The following MMP13 variants were observed in gnomAD, a reference collection of about 807,000 sequenced individuals.
MMP13 encodes matrix metallopeptidase 13.
Under a neutral mutation model 52.1 loss-of-function variants are expected in MMP13, and 45 were observed. That is an observed-to-expected ratio of 0.86 (90% CI 0.68 to 1.11). The LOEUF (loss-of-function observed/expected upper bound fraction) is 1.11, where lower values mean the gene tolerates loss of function less well. MMP13 is among the 50% of genes least tolerant of loss of function. MMP13 has a pLI of 0.00. For synonymous variants in MMP13, 200 were observed against 204.4 expected, an observed-to-expected ratio of 0.98 and a Z score of 0.18; for missense variants, 576 against 583.8, an observed-to-expected ratio of 0.99 and a Z score of 0.14.
At chr11:102,947,857 G>A in intron 8 of MMP13, 34 bp downstream of exon 8, 1 of 1,613,112 alleles carries the variant, frequency 6.2e-7, no homozygotes, top group Non-Finnish European at 8.5e-7. Context: ...TTGCGGCTAT[G>A]ACACAGATGG....
rs1555017103 is a variant in MMP13, at chr11:102,949,796, T to A, written c.917+314A>T. 2.6e-5 allele frequency among the ~76,000 whole-genome samples: 4 copies of A among 152,226 alleles called. No homozygotes were observed. Among genetic ancestry groups the A allele is most frequent in the Non-Finnish European group, 4.4e-5 (3 of 68,036 alleles). ...GTGGGCCTAACGAGTAACCATTTATTAATACAGCAGTTACTTTCAATGCTT... is the reference window on the plus strand; with the variant it reads ...GTGGGCCTAACGAGTAACCATTTATAAATACAGCAGTTACTTTCAATGCTT... On this transcript the variant is annotated intron_variant, in intron 6 of 9. Transcript: ENST00000260302. This position sits in a 1 kb window ranked among gnomAD's most constrained non-coding sequence, Gnocchi z 4.2.
rs1860551861 is a variant in MMP13 at position 102,948,398 on chromosome 11, C to A, written c.1052-348G>T. ...TAGGAAGAGTAAATTAGACTGAAAA[C>A]TCAAACGTTACACCAGTTTGAAAGT... On this transcript the variant is annotated intron_variant, in intron 7 of 9. Transcript: ENST00000260302. 2.6e-5 allele frequency among the ~76,000 whole-genome samples: 4 copies of A among 152,022 alleles called. 1 individual carries two copies. Among genetic ancestry groups the A allele is most frequent in the Admixed American group, 2.6e-4 (4 of 15,264 alleles).
chr11:102,945,863 A>C, intron 8 of MMP13, 114 bp from the exon 9 acceptor site: 1 of 640,052 alleles, frequency 1.6e-6, no homozygotes, highest in Non-Finnish European at 2.7e-6. Context: ...TAAAATTTTC[A>C]GTCCATTTAA....
At chr11:102,948,267 C>G (rs1291099728) in intron 7 of MMP13, among the ~76,000 whole-genome samples, 1 of 151,876 alleles carries the variant, frequency 6.6e-6, no homozygotes, top group Admixed American at 6.6e-5. Context: ...ATGAATATAG[C>G]TAATCAAATA....
At chr11:102,944,771 C>CT (rs557080076) in intron 9 of MMP13, among the ~76,000 whole-genome samples, 7,237 of 95,544 alleles carry the variant, frequency 0.076, 296 homozygotes, top group African/African-American at 0.11. Context: ...CCACTCCCAG[C>CT]TTTTTTTTTT....
chr11:102,944,096 G>T lies in MMP13; in HGVS notation c.*170C>A, dbSNP rs782354204. The T allele has an allele frequency of 1.3e-5, 8 of 636,954 alleles. No homozygotes were observed. In the African/African-American group the frequency reaches 1.3e-4, roughly 10 times the overall value. 39.5% of individuals were successfully genotyped at this position (636,954 alleles called of 1,614,324 possible). ...CATTACTCTAACATTCTTCAATGTG[G>T]TTCCAGCCACGCATAGTCATATAGA... On this transcript the variant is annotated 3_prime_UTR_variant, in exon 10 of 10. Transcript: ENST00000260302.
chr11:102,951,610 T>C (rs151180143), intron 5 of MMP13, among the ~76,000 whole-genome samples: 2 of 152,144 alleles, frequency 1.3e-5, no homozygotes, highest in Non-Finnish European at 2.9e-5. Flanking sequence ...AGTAGAGTCA[T>C]GTGTTGCTTA....
Position 102,949,550 on chromosome 11 carries a change from C to T in MMP13, c.918-392G>A, listed in dbSNP as rs955107963. ...CCTGGGAAAACATACATGAGAAACACCCCCCGCCCCACGAGTACAATGTAA... is the reference window on the plus strand; with the variant it reads ...CCTGGGAAAACATACATGAGAAACATCCCCCGCCCCACGAGTACAATGTAA... On this transcript the variant is annotated intron_variant, in intron 6 of 9. Coordinates refer to ENST00000260302, the MANE Select transcript of MMP13 (RefSeq NM_002427.4). The surrounding 1 kb of genome is among the most constrained non-coding windows in gnomAD (Gnocchi z 4.2). 1.3e-5 allele frequency among the ~76,000 whole-genome samples: 2 copies of T among 152,022 alleles called. No homozygotes were observed. The highest frequency in any genetic ancestry group is 2.4e-5 in the African/African-American group (1 of 41,388).
intron 5 of MMP13, among the ~76,000 whole-genome samples, chr11:102,951,502 T>G (rs530641922): frequency 6.6e-6 from 1 of 152,296 alleles, no homozygotes; most frequent in Admixed American, 6.5e-5. Flanking sequence ...CTTTTCTATT[T>G]GAGTGGGTAG....
chr11:102,953,535 G>A (rs534126771), intron 4 of MMP13, among the ~76,000 whole-genome samples: 7 of 152,100 alleles, frequency 4.6e-5, no homozygotes, highest in Non-Finnish European at 8.8e-5. Flanking sequence ...ATTATTTTGA[G>A]ACTTGAAGAT....
intron 7 of MMP13, among the ~76,000 whole-genome samples, chr11:102,948,572 T>C (rs1860554385): frequency 6.6e-6 from 1 of 152,150 alleles, no homozygotes; most frequent in Non-Finnish European, 1.5e-5. Flanking sequence ...CATAATTTTA[T>C]GTCAAGGAAA....
intron 9 of MMP13, chr11:102,945,235 C>T (rs1555016523): frequency 1.4e-6 from 1 of 734,820 alleles, no homozygotes; most frequent in Non-Finnish European, 1.7e-6. Context: ...CAGAGTGAGA[C>T]TCTGTCAAAA....
At position 102,954,545 on chromosome 11, in the gene MMP13, AG is replaced by A. The variant is rs779994162; in HGVS notation, c.423del (p.Phe142SerfsTer7). 1 of 1,613,738 alleles carries A rather than the reference AG, an allele frequency of 6.2e-7. No homozygotes were observed. The highest frequency in any genetic ancestry group is 8.5e-7 in the Non-Finnish European group (1 of 1,179,726). On this transcript the variant is annotated frameshift_variant, in exon 3 of 10. Coordinates refer to ENST00000260302, the MANE Select transcript of MMP13 (RefSeq NM_002427.4). LOFTEE classifies it high-confidence loss of function. ...HSEVEKAFKK[A>X]FKVWSDVTPL... The stretch of plus-strand genomic sequence containing the variant: ...GGAGTTACATCGGACCAAACTTTGA[AG>A]GCTTTTTTGAATGCCTTTTCGACTT...
chr11:102,949,400 C>G lies in MMP13; in HGVS notation c.918-242G>C, dbSNP rs539420119. 1.5e-4 allele frequency among the ~76,000 whole-genome samples: 23 copies of G among 152,282 alleles called. No individual in the cohort carries two copies. The highest frequency in any genetic ancestry group is 2.8e-4 in the Non-Finnish European group (19 of 68,016). On this transcript the variant is annotated intron_variant, in intron 6 of 9. Transcript: ENST00000260302. This position sits in a 1 kb window ranked among gnomAD's most constrained non-coding sequence, Gnocchi z 4.2. Reference sequence around the variant, plus strand: ...CTGTGTGAGGTCTCTGAGTTCTTTGCAGGTTGAAACAGTCTTGCTCAATTT... The same window carrying G: ...CTGTGTGAGGTCTCTGAGTTCTTTGGAGGTTGAAACAGTCTTGCTCAATTT...
Position 102,955,162 on chromosome 11 carries a change from CAATT to C in MMP13, c.362+86_362+89del. On this transcript the variant is annotated intron_variant, in intron 2 of 9. Transcript: ENST00000260302. This position sits in a 1 kb window ranked among gnomAD's most constrained non-coding sequence, Gnocchi z 4.9. ...TAAAGCTATTCTGGAATTTAACTGC[CAATT>C]AAATAATAAGGCCTACTTAATATTA... The C allele has an allele frequency of 6.9e-7, 1 of 1,448,362 alleles. No homozygotes were observed. The highest frequency in any genetic ancestry group is 9.5e-7 in the Non-Finnish European group (1 of 1,048,192). 89.7% of individuals were successfully genotyped at this position (1,448,362 alleles called of 1,614,324 possible).
intron 4 of MMP13, among the ~76,000 whole-genome samples, chr11:102,953,419 T>C (rs1860644751): frequency 1.3e-5 from 2 of 152,176 alleles, no homozygotes; most frequent in Non-Finnish European, 2.9e-5. Context: ...CTTTTTTATT[T>C]AAATGAAAAA....
chr11:102,954,698 T>G (rs1311493902), intron 2 of MMP13, 92 bp from the exon 3 acceptor site: 1 of 1,202,934 alleles, frequency 8.3e-7, no homozygotes, highest in African/African-American at 1.5e-5. Context: ...CAATTCAAAA[T>G]GCAATAATTT....
chr11:102,948,202 A>G, intron 7 of MMP13, 152 bp from the exon 8 acceptor site: 1 of 681,744 alleles, frequency 1.5e-6, no homozygotes, highest in Non-Finnish European at 2.4e-6. Flanking sequence ...GAAACATAAA[A>G]ATATAAGCAT....
At chr11:102,945,292 T>C (rs1860484610) in intron 9 of MMP13, 2 of 996,122 alleles carry the variant, frequency 2.0e-6, no homozygotes, top group South Asian at 4.6e-5. Flanking sequence ...AGTCACTATA[T>C]AGTTAAGGTA....
Sources: gnomAD v4.1 joint callset for allele counts (sites outside exome capture counted in the v4.1 genomes callset) on GRCh38, gnomAD v4.1.1 for gene constraint, Gnocchi (gnomAD v3.1) non-coding constraint, MANE v1.5 for transcripts, NCBI Gene and HGNC (gene_info 2026-07-23, HGNC 2026-07-21) for gene names.